TFAP2B: variants seen among roughly 807,000 people sequenced by gnomAD.
TFAP2B encodes the protein transcription factor AP-2 beta, also known as transcription factor AP-2-beta.
In TFAP2B, 9 loss-of-function variants were observed where a neutral mutation model predicts 44.3. The ratio of observed to expected loss-of-function variants is 0.20; its 90% confidence interval spans 0.12 to 0.35. TFAP2B has a LOEUF of 0.35. Among genes scored for constraint, TFAP2B ranks in the 10% least tolerant of loss-of-function variants. The pLI is 1.00. For synonymous variants in TFAP2B, 270 were observed against 263.8 expected (o/e 1.02, Z -0.23); for missense variants, 509 against 600.0 (o/e 0.85, Z 1.59).
chr6:50,821,905 C>A (rs1306857430), intron 1 of TFAP2B: 4 of 286,494 alleles, frequency 1.4e-5, no homozygotes, highest in Non-Finnish European at 2.6e-5. Flanking sequence ...AGAAAAGAGG[C>A]CAAAAAGACA....
At chr6:50,819,808 G>A (rs1293790106) in intron 1 of TFAP2B, among the ~76,000 whole-genome samples, 1 of 152,130 alleles carries the variant, frequency 6.6e-6, no homozygotes, top group African/African-American at 2.4e-5. Context: ...CTACTCGCGG[G>A]CGAGGCGGAC....
Position 50,823,787 on chromosome 6 carries a change from G to T in TFAP2B, c.462G>T (p.Ala154=). 1 of 1,587,468 alleles carries T rather than the reference G, an allele frequency of 6.3e-7. No individual in the cohort carries two copies. Residue 154 remains alanine, a synonymous_variant, in exon 2 of 7, where the codon GCG becomes GCT. Coordinates refer to ENST00000393655, the MANE Select transcript of TFAP2B (RefSeq NM_003221.4). ...VRRPDVLLHS[A]HHGLDAGMGD... ...GGCCGGACGTGCTGCTGCATTCGGC[G>T]CACCACGGCCTGGACGCGGGCATGG...
intron 4 of TFAP2B, among the ~76,000 whole-genome samples, chr6:50,836,611 CAG>C: frequency 6.6e-6 from 1 of 152,326 alleles, no homozygotes; most frequent in South Asian, 2.1e-4. Flanking sequence ...TAGGACATCT[CAG>C]GGGGCATTCT....
intron 6 of TFAP2B, among the ~76,000 whole-genome samples, 162 bp from the exon 7 acceptor site, chr6:50,842,930 C>A (rs1028578543): frequency 6.6e-6 from 1 of 152,148 alleles, no homozygotes; most frequent in Non-Finnish European, 1.5e-5. Flanking sequence ...CCCAGCTGCT[C>A]GAGAAGGGAG....
intron 3 of TFAP2B, among the ~76,000 whole-genome samples, chr6:50,834,661 G>A (rs766362104): frequency 6.6e-6 from 1 of 152,220 alleles, no homozygotes; most frequent in Non-Finnish European, 1.5e-5. Flanking sequence ...TAGAAGGGAT[G>A]TTATGCATCT....
Position 50,823,807 on chromosome 6 carries a change from G to T in TFAP2B, c.482G>T (p.Gly161Val). Residue 161 changes from glycine to valine, a missense_variant, in exon 2 of 7, where the codon GGC becomes GTC. Physicochemically the swap from Gly to Val is moderately radical, Grantham distance 109. Coordinates refer to ENST00000393655, the MANE Select transcript of TFAP2B (RefSeq NM_003221.4). ...TCGGCGCACCACGGCCTGGACGCGG[G>T]CATGGGTGACAGCCTCTCGCTGCAC... ...LHSAHHGLDA[G>V]MGDSLSLHGL... 1.9e-6 allele frequency: 3 copies of T among 1,577,164 alleles called. No homozygotes were observed. The highest frequency in any genetic ancestry group is 1.7e-6 in the Non-Finnish European group (2 of 1,161,582).
intron 1 of TFAP2B, 42 bp downstream of exon 1, chr6:50,819,014 A>G (rs777702265): frequency 1.9e-6 from 3 of 1,552,600 alleles, no homozygotes; most frequent in East Asian, 4.5e-5. Flanking sequence ...CTTTGCAGAT[A>G]GAGAATTTGA....
At chr6:50,825,017 T>G (rs2113932113) in intron 2 of TFAP2B, among the ~76,000 whole-genome samples, 2 of 152,254 alleles carry the variant, frequency 1.3e-5, no homozygotes, top group Middle Eastern at 3.4e-3. Flanking sequence ...GGTGCAAGAG[T>G]CATTCTTCTG....
intron 3 of TFAP2B, among the ~76,000 whole-genome samples, chr6:50,831,423 A>G (rs1341058027): frequency 1.3e-5 from 2 of 152,200 alleles, no homozygotes; most frequent in Non-Finnish European, 2.9e-5. Flanking sequence ...TAGAGCTCCC[A>G]TTAAGCTGCC....
chr6:50,829,677 C>T (rs555260867), intron 3 of TFAP2B, among the ~76,000 whole-genome samples: 1 of 152,312 alleles, frequency 6.6e-6, no homozygotes, highest in South Asian at 2.1e-4. Context: ...ACTTGAGCCA[C>T]TTGACATTCA....
intron 2 of TFAP2B, among the ~76,000 whole-genome samples, chr6:50,824,518 A>G (rs187943923): frequency 1.1e-4 from 17 of 152,352 alleles, no homozygotes; most frequent in African/African-American, 4.1e-4. Flanking sequence ...TCAGAACGCC[A>G]TAATTCAGGA....
intron 2 of TFAP2B, among the ~76,000 whole-genome samples, chr6:50,827,574 G>A (rs565878451): frequency 6.6e-6 from 1 of 152,294 alleles, no homozygotes; most frequent in Non-Finnish European, 1.5e-5. Flanking sequence ...TGTGAAAACA[G>A]CTCCTCACTC....
At chr6:50,818,725 T>C (rs1770240633), upstream of TFAP2B, 1 of 631,400 alleles carries the variant, frequency 1.6e-6, no homozygotes, top group Non-Finnish European at 2.8e-6. Context: ...AATAATGTTT[T>C]TTCTCTTTGC....
Position 50,818,988 on chromosome 6 carries a change from C to T in TFAP2B, c.81+16C>T, listed in dbSNP as rs561980561. On this transcript the variant is annotated intron_variant, in intron 1 of 6. Coordinates refer to ENST00000393655, the MANE Select transcript of TFAP2B (RefSeq NM_003221.4). ...TATCTATGAGGTGAGTCGACACCCC[C>T]AGATGCACCTTAGAGCTTTGCAGAT... 6.2e-7 allele frequency: 1 copy of T among 1,609,412 alleles called. No individual in the cohort carries two copies. Among genetic ancestry groups the T allele is most frequent in the East Asian group, 2.2e-5 (1 of 44,852 alleles).
At chr6:50,819,861 G>A (rs879699344) in intron 1 of TFAP2B, among the ~76,000 whole-genome samples, 144 of 145,352 alleles carry the variant, frequency 9.9e-4, no homozygotes, top group Non-Finnish European at 1.8e-3. Context: ...GGGAGAGGCG[G>A]GCGAGGTGGG....
At chr6:50,828,765 T>C in intron 3 of TFAP2B, 86 bp downstream of exon 3, 1 of 1,445,114 alleles carries the variant, frequency 6.9e-7, no homozygotes, top group African/African-American at 1.4e-5. Flanking sequence ...GGGGAATTCA[T>C]TATTTGACAA....
chr6:50,832,056 C>T (rs1432649655), intron 3 of TFAP2B, among the ~76,000 whole-genome samples: 1 of 152,138 alleles, frequency 6.6e-6, no homozygotes, highest in Non-Finnish European at 1.5e-5. Context: ...ACAATTGATT[C>T]TGTTGGGATT....
At chr6:50,840,819 G>A (rs776789057) in intron 6 of TFAP2B, among the ~76,000 whole-genome samples, 2 of 152,202 alleles carry the variant, frequency 1.3e-5, no homozygotes, top group Non-Finnish European at 2.9e-5. Context: ...CTAAATTTAG[G>A]TCTAGAGCTC....
chr6:50,840,357 TG>T (rs1474555959), intron 6 of TFAP2B, 60 bp downstream of exon 6: 6 of 1,599,278 alleles, frequency 3.8e-6, no homozygotes, highest in Non-Finnish European at 4.3e-6. Flanking sequence ...CACCCGACTT[TG>T]GAGTAGGTGG....
Sources: allele counts gnomAD v4.1 joint callset (sites outside exome capture counted in the v4.1 genomes callset), GRCh38; gene constraint gnomAD v4.1.1; transcripts MANE v1.5; gene names NCBI Gene and HGNC (gene_info 2026-07-23, HGNC 2026-07-21).